The following CTPS1 variants were observed in gnomAD, a reference collection of about 807,000 sequenced individuals.
CTPS1 encodes the protein CTP synthetase 1.
CTPS1 carries 25 observed loss-of-function variants against 80.5 expected under a neutral mutation model. The observed-to-expected ratio is 0.31, with a 90% CI of 0.23 to 0.43. The LOEUF is 0.43. CTPS1 is among the 20% of genes least tolerant of loss of function. CTPS1 has a pLI of 1.00. For synonymous variants in CTPS1, 267 were observed against 252.5 expected (o/e 1.06, Z -0.54); for missense variants, 442 against 725.7 (o/e 0.61, Z 4.49).
intron 5 of CTPS1, 25 bp from the exon 6 acceptor site, chr1:40,991,136 CTTTT>C: frequency 2.5e-6 from 3 of 1,207,688 alleles, no homozygotes; most frequent in South Asian, 1.5e-5. Flanking sequence ...GGGAAACTAA[CTTTT>C]TTTTTTTTTT....
chr1:40,991,557 C>A (rs898372461), intron 6 of CTPS1, among the ~76,000 whole-genome samples: 1 of 152,106 alleles, frequency 6.6e-6, no homozygotes, highest in Non-Finnish European at 1.5e-5. Context: ...ATTTGTACTG[C>A]CATTCTCTTA....
At chr1:40,981,468 A>C (rs1281918223) in intron 1 of CTPS1, among the ~76,000 whole-genome samples, 1 of 152,216 alleles carries the variant, frequency 6.6e-6, no homozygotes, top group African/African-American at 2.4e-5. Context: ...ATCATCCAAA[A>C]CTTAGGGAGA....
chr1:41,003,283 G>A lies in CTPS1; in HGVS notation c.1252+107G>A, dbSNP rs1570974700. ...AGGAGCTTTGGAGAAGGGCAGGCCT[G>A]GGTTCCTAGCACCTCATGGTGTGCC... is the stretch of plus-strand genomic sequence containing the variant. On this transcript the variant is annotated intron_variant, in intron 12 of 18. Transcript: ENST00000650070. 1.6e-5 allele frequency: 20 copies of A among 1,233,724 alleles called. No individual in the cohort carries two copies. In the South Asian group the frequency reaches 2.1e-4, roughly 13 times the overall value. 76.4% of individuals were successfully genotyped at this position (1,233,724 alleles called of 1,614,324 possible). A position where few individuals can be genotyped will look rare whatever the true frequency, so the allele number is the denominator to read the frequency against.
Position 41,009,474 on chromosome 1 carries a change from C to T in CTPS1, c.1576C>T (p.His526Tyr). 1 of 1,605,384 alleles carries T rather than the reference C, an allele frequency of 6.2e-7. No individual in the cohort carries two copies. The highest frequency in any genetic ancestry group is 8.5e-7 in the Non-Finnish European group (1 of 1,177,006). ...TCCCTTTTTTGTTGGGGTTCAGTAC[C>T]ACCCTGAGTTCCTGTCCAGGCCTAT... The part of the protein sequence containing the change: ...DHPFFVGVQY[H>Y]PEFLSRPIKP... The change falls in exon 17 of 19, where the codon CAC (histidine) becomes TAC (tyrosine). Residue 526 changes from histidine (H) to tyrosine (Y), a missense_variant. His to Tyr is a moderately conservative substitution (Grantham distance 83, BLOSUM62 2). Transcript: ENST00000650070.
rs879695820 is a variant in CTPS1, at chr1:40,991,158, G to A, written c.556-7G>A. 1.6e-5 allele frequency: 25 copies of A among 1,541,782 alleles called. No homozygotes were observed. Among genetic ancestry groups the A allele is most frequent in the East Asian group, 2.3e-5 (1 of 42,690 alleles). ...TAACTTTTTTTTTTTTTTCTTTTGT[G>A]AAATAGCCAAGTTCAACAGGGGAAC... On this transcript the variant is annotated splice_polypyrimidine_tract_variant and splice_region_variant and intron_variant, in intron 5 of 18. Coordinates refer to ENST00000650070, the MANE Select transcript of CTPS1 (RefSeq NM_001905.4).
intron 3 of CTPS1, 133 bp from the exon 4 acceptor site, chr1:40,987,239 A>G (rs1357962602): frequency 1.5e-6 from 1 of 663,274 alleles, no homozygotes; most frequent in Non-Finnish European, 2.7e-6. Flanking sequence ...GGGGGCCTCA[A>G]AAGTATTTTT....
chr1:41,009,100 T>A (rs1006088541), intron 16 of CTPS1, among the ~76,000 whole-genome samples: 5 of 152,194 alleles, frequency 3.3e-5, no homozygotes, highest in Non-Finnish European at 7.4e-5. Context: ...CCATTTAACT[T>A]CTGGCCGCAG....
intron 9 of CTPS1, among the ~76,000 whole-genome samples, chr1:41,000,213 TTA>T (rs1642868566): frequency 7.8e-6 from 1 of 127,662 alleles, no homozygotes; most frequent in African/African-American, 3.3e-5. Context: ...AGATGGTAAC[TTA>T]TGTTTTGTTT....
At chr1:40,981,350 A>C (rs759565693) in intron 1 of CTPS1, 1 of 152,248 alleles carries the variant, frequency 6.6e-6, no homozygotes, top group Non-Finnish European at 1.5e-5. Flanking sequence ...TAAAGAACGT[A>C]AAGAGAGATG....
At chr1:40,996,201 T>A in intron 8 of CTPS1, 133 bp downstream of exon 8, 1 of 945,402 alleles carries the variant, frequency 1.1e-6, no homozygotes, top group Non-Finnish European at 1.6e-6. Context: ...GCCTTTGTAG[T>A]AAGAGATGTT....
intron 5 of CTPS1, among the ~76,000 whole-genome samples, chr1:40,990,130 G>C: frequency 6.6e-6 from 1 of 152,200 alleles, no homozygotes; most frequent in East Asian, 1.9e-4. Flanking sequence ...GCTTGTTTAT[G>C]TGCTGTCTGT....
chr1:40,993,563 CT>C (rs1642670910), intron 7 of CTPS1, among the ~76,000 whole-genome samples: 1 of 152,130 alleles, frequency 6.6e-6, no homozygotes, highest in South Asian at 2.1e-4. Flanking sequence ...GTCTTGAACT[CT>C]TTGGGCTCAG....
At chr1:41,009,411 C>T in intron 16 of CTPS1, 34 bp from the exon 17 acceptor site, 1 of 1,530,534 alleles carries the variant, frequency 6.5e-7, no homozygotes, top group Non-Finnish European at 8.8e-7. Context: ...ATAACCTTCA[C>T]AATGAAGCTG....
At chr1:41,005,817 T>C (rs1643019258) in intron 12 of CTPS1, among the ~76,000 whole-genome samples, 1 of 151,986 alleles carries the variant, frequency 6.6e-6, no homozygotes, top group Non-Finnish European at 1.5e-5. Flanking sequence ...GGCTGGCGGA[T>C]TGCTTGAACC....
rs199949603 is a variant in CTPS1 at position 40,983,505 on chromosome 1, C to T, written c.166+49C>T. The T allele has an allele frequency of 2.0e-6, 3 of 1,488,476 alleles. No individual in the cohort carries two copies. The East Asian group carries it at 7.0e-5, about 35-fold the overall frequency. 92.2% of individuals were successfully genotyped at this position (1,488,476 alleles called of 1,614,324 possible). On this transcript the variant is annotated intron_variant, in intron 2 of 18. Transcript: ENST00000650070. ...AATAATTGCATGTGGCAGAACATGTCAGCACTTGGGAATTATGTGCACGGT... is the reference window on the plus strand; with the variant it reads ...AATAATTGCATGTGGCAGAACATGTTAGCACTTGGGAATTATGTGCACGGT...
intron 1 of CTPS1, 187 bp downstream of exon 1, chr1:40,980,016 C>CCGGCCGGCGAG (rs1275437428): frequency 6.6e-6 from 1 of 151,398 alleles, no homozygotes. Flanking sequence ...GGCGGGCGCC[C>CCGGCCGGCGAG]CGGCCGGCGA....
chr1:41,009,355 A>G, intron 16 of CTPS1, 90 bp from the exon 17 acceptor site: 2 of 1,329,846 alleles, frequency 1.5e-6, no homozygotes, highest in Non-Finnish European at 2.1e-6. Flanking sequence ...TTTAGGGCCT[A>G]TGGAAACAAA....
chr1:40,983,171 C>A (rs905094757), intron 1 of CTPS1, 107 bp from the exon 2 acceptor site: 2 of 882,242 alleles, frequency 2.3e-6, no homozygotes, highest in African/African-American at 1.7e-5. Context: ...GAAACTGAGG[C>A]TTCAAGAGGG....
intron 8 of CTPS1, 179 bp downstream of exon 8, chr1:40,996,247 A>T (rs1642748668): frequency 1.5e-6 from 1 of 672,486 alleles, no homozygotes; most frequent in African/African-American, 1.8e-5. Context: ...GCTGTGGCAC[A>T]GATGAGGAGA....
Sources: gnomAD v4.1 joint callset for allele counts (sites outside exome capture counted in the v4.1 genomes callset) on GRCh38, gnomAD v4.1.1 for gene constraint, MANE v1.5 for transcripts, NCBI Gene and HGNC (gene_info 2026-07-23, HGNC 2026-07-21) for gene names.